CCSER1: variants seen among roughly 807,000 people sequenced by gnomAD.
The protein encoded by CCSER1 is serine-rich coiled-coil domain-containing protein 1.
A neutral mutation model predicts 82.0 loss-of-function variants in CCSER1; 41 were observed. The observed-to-expected ratio is 0.50, with a 90% CI of 0.39 to 0.65. The LOEUF is 0.65. Among genes scored for constraint, CCSER1 ranks in the 30% least tolerant of loss-of-function variants. The probability of loss-of-function intolerance (pLI) is 0.00; values close to 1 mark genes in which losing one functional copy is unlikely to be tolerated. For missense variants in CCSER1, 1,119 were observed against 1,064.2 expected (o/e 1.05, Z -0.72); for synonymous variants, 414 against 383.9 (o/e 1.08, Z -0.92).
intron 1 of CCSER1, among the ~76,000 whole-genome samples, chr4:90,167,012 A>G (rs1041048180): frequency 6.6e-6 from 1 of 151,976 alleles, no homozygotes; most frequent in African/African-American, 2.4e-5. Context: ...GCGTAAGTTT[A>G]TGTTATATCA....
At chr4:90,886,245 G>T (rs1302487273) in intron 8 of CCSER1, among the ~76,000 whole-genome samples, 1 of 152,122 alleles carries the variant, frequency 6.6e-6, no homozygotes, top group East Asian at 1.9e-4. Context: ...CTCCCAATTT[G>T]CAGAGGTAGG....
intron 1 of CCSER1, among the ~76,000 whole-genome samples, chr4:90,169,752 G>T (rs1030543513): frequency 6.6e-6 from 1 of 151,816 alleles, no homozygotes; most frequent in African/African-American, 2.4e-5. Context: ...AATGTTTCTT[G>T]TTCCTCATTA....
At chr4:91,458,572 T>G (rs953539142) in intron 10 of CCSER1, among the ~76,000 whole-genome samples, 5 of 152,176 alleles carry the variant, frequency 3.3e-5, no homozygotes, top group Admixed American at 3.3e-4. Flanking sequence ...CATTGGTATT[T>G]TGATAAGAGT....
At chr4:90,293,181 T>C (rs1001236452) in intron 1 of CCSER1, among the ~76,000 whole-genome samples, 1 of 149,604 alleles carries the variant, frequency 6.7e-6, no homozygotes, top group African/African-American at 2.5e-5. Flanking sequence ...TTTAGACATA[T>C]GTTCATGATG....
At chr4:90,177,764 A>G (rs1004450469) in intron 1 of CCSER1, among the ~76,000 whole-genome samples, 2 of 152,070 alleles carry the variant, frequency 1.3e-5, no homozygotes, top group African/African-American at 4.8e-5. Flanking sequence ...AAAATGCCTA[A>G]ACCATTTAAG....
At position 90,339,347 on chromosome 4, in the gene CCSER1, T is replaced by C. The variant is rs926616505; in HGVS notation, c.1509+26300T>C. Among the ~76,000 whole-genome samples the C allele has an allele frequency of 2.0e-5, 3 of 152,142 alleles. No individual in the cohort carries two copies. The East Asian group carries it at 5.8e-4, about 29-fold the overall frequency. On this transcript the variant is annotated intron_variant, in intron 3 of 10. Transcript: ENST00000509176. The stretch of plus-strand genomic sequence containing the variant: ...TCGCCTCCCAGCTGCTCCCCTACTT[T>C]TGGTTCACTCTTGCTTGCTTAGTCT...
intron 7 of CCSER1, among the ~76,000 whole-genome samples, chr4:90,749,490 C>A (rs1404932187): frequency 6.6e-6 from 1 of 151,956 alleles, no homozygotes; most frequent in Non-Finnish European, 1.5e-5. Flanking sequence ...TAGCTTTGTT[C>A]TTTTGGCTTA....
At chr4:90,481,548 A>C (rs960246852) in intron 5 of CCSER1, among the ~76,000 whole-genome samples, 4 of 152,212 alleles carry the variant, frequency 2.6e-5, no homozygotes, top group Non-Finnish European at 4.4e-5. Flanking sequence ...TGTCCCATCA[A>C]TACTTAATTT....
At chr4:90,646,016 T>G (rs1054261956) in intron 6 of CCSER1, among the ~76,000 whole-genome samples, 5 of 152,154 alleles carry the variant, frequency 3.3e-5, no homozygotes, top group Non-Finnish European at 4.4e-5. Flanking sequence ...TCTGTCAAAG[T>G]TATATTTCTT....
At chr4:90,779,611 T>C (rs1753471930) in intron 7 of CCSER1, among the ~76,000 whole-genome samples, 1 of 152,334 alleles carries the variant, frequency 6.6e-6, no homozygotes, top group Admixed American at 6.5e-5. Flanking sequence ...GGGTTATGCA[T>C]GTATCCTTAC....
chr4:90,292,093 T>A (rs1264017508), intron 1 of CCSER1, among the ~76,000 whole-genome samples: 1 of 151,930 alleles, frequency 6.6e-6, no homozygotes, highest in Non-Finnish European at 1.5e-5. Flanking sequence ...GGCAAACTTG[T>A]CATCACATTT....
chr4:91,349,762 G>A (rs1748345033), intron 10 of CCSER1, among the ~76,000 whole-genome samples: 1 of 150,920 alleles, frequency 6.6e-6, no homozygotes, highest in Admixed American at 6.6e-5. Context: ...GCTGTAGGAG[G>A]TACATTTCAT....
At chr4:90,866,436 C>T (rs1156735577) in intron 8 of CCSER1, among the ~76,000 whole-genome samples, 1 of 151,910 alleles carries the variant, frequency 6.6e-6, no homozygotes, top group Non-Finnish European at 1.5e-5. Flanking sequence ...GATAGAAGAG[C>T]AATGAGATAG....
chr4:91,510,938 T>C (rs1759785793), intron 10 of CCSER1, among the ~76,000 whole-genome samples: 1 of 152,316 alleles, frequency 6.6e-6, no homozygotes, highest in East Asian at 1.9e-4. Context: ...CTAGGTTTTC[T>C]TCTAGGATTT....
At chr4:90,434,383 T>C (rs1758729375) in intron 4 of CCSER1, among the ~76,000 whole-genome samples, 1 of 152,180 alleles carries the variant, frequency 6.6e-6, no homozygotes, top group South Asian at 2.1e-4. Flanking sequence ...AACCCTTTTC[T>C]ACCTGTATGT....
chr4:91,212,635 CTG>C (rs1377442249), intron 10 of CCSER1, among the ~76,000 whole-genome samples: 1 of 152,064 alleles, frequency 6.6e-6, no homozygotes, highest in African/African-American at 2.4e-5. Flanking sequence ...TTTGGAGAAA[CTG>C]TGAGGGTAAA....
chr4:90,312,795 C>T, intron 2 of CCSER1, 68 bp from the exon 3 acceptor site: 2 of 1,204,782 alleles, frequency 1.7e-6, no homozygotes, highest in Non-Finnish European at 2.3e-6. Context: ...CATGATCTTT[C>T]AGTGGGACAT....
intron 1 of CCSER1, among the ~76,000 whole-genome samples, chr4:90,202,139 T>C (rs1737824193): frequency 3.3e-5 from 5 of 152,136 alleles, no homozygotes. Context: ...CTCTTTTTGG[T>C]GATTCATAAT....
intron 10 of CCSER1, among the ~76,000 whole-genome samples, chr4:91,594,293 A>ATATATG (rs977944374): frequency 1.3e-5 from 2 of 150,320 alleles, no homozygotes; most frequent in Non-Finnish European, 3.0e-5. Context: ...ATATGTGTGT[A>ATATATG]TATATGTATA....
Sources: gnomAD v4.1 joint callset for allele counts (sites outside exome capture counted in the v4.1 genomes callset) on GRCh38, gnomAD v4.1.1 for gene constraint, MANE v1.5 for transcripts, NCBI Gene and HGNC (gene_info 2026-07-23, HGNC 2026-07-21) for gene names.